The following C12orf42 variants were observed in gnomAD, a reference collection of about 807,000 sequenced individuals.
The protein encoded by C12orf42 is chromosome 12 open reading frame 42.
Under a neutral mutation model 21.6 loss-of-function variants are expected in C12orf42, and 25 were observed. That is an observed-to-expected ratio of 1.16 (90% CI 0.84 to 1.62). C12orf42 has a LOEUF of 1.62. Among genes scored for constraint, C12orf42 ranks in the 40% most tolerant of loss-of-function variants. The pLI is 0.00. For synonymous variants in C12orf42, 174 were observed against 175.0 expected (o/e 0.99, Z 0.05); for missense variants, 483 against 459.3 (o/e 1.05, Z -0.47).
intron 4 of C12orf42, among the ~76,000 whole-genome samples, chr12:103,338,678 A>T (rs7305198): frequency 0.14 from 21,766 of 152,042 alleles, 1,934 homozygotes; most frequent in South Asian, 0.28. Context: ...GCATAGATTT[A>T]TTCTATTGCC....
At chr12:103,486,029 G>T (rs1036851614) in intron 1 of C12orf42, among the ~76,000 whole-genome samples, 1 of 152,198 alleles carries the variant, frequency 6.6e-6, no homozygotes, top group African/African-American at 2.4e-5. Context: ...AGTGGTGACA[G>T]AGAACATCCT....
the C12orf42 span, among the ~76,000 whole-genome samples, chr12:103,508,504 G>C: frequency 6.6e-6 from 1 of 152,126 alleles, no homozygotes; most frequent in Admixed American, 6.5e-5. Context: ...CCAATAACTA[G>C]AAATGCAATT....
intron 10 of C12orf42, among the ~76,000 whole-genome samples, chr12:103,242,235 TCCAC>T (rs1171667058): frequency 1.3e-5 from 2 of 152,198 alleles, no homozygotes; most frequent in Non-Finnish European, 2.9e-5. Flanking sequence ...AGCTCTGAGA[TCCAC>T]CTGTTGTAAG....
At chr12:103,174,637 C>G in the C12orf42 span, among the ~76,000 whole-genome samples, 1 of 151,302 alleles carries the variant, frequency 6.6e-6, no homozygotes, top group Non-Finnish European at 1.5e-5. Context: ...TAGTTAACAG[C>G]AATCTTCAAA....
At chr12:103,358,787 TG>T (rs1025611336) in intron 4 of C12orf42, among the ~76,000 whole-genome samples, 5 of 152,098 alleles carry the variant, frequency 3.3e-5, no homozygotes, top group African/African-American at 1.2e-4. Flanking sequence ...ATCTCTCACT[TG>T]GACTTTTACT....
At chr12:103,217,343 C>G in the C12orf42 span, among the ~76,000 whole-genome samples, 1 of 151,840 alleles carries the variant, frequency 6.6e-6, no homozygotes, top group African/African-American at 2.4e-5. Flanking sequence ...ATAGCAAGAC[C>G]CTGTCTTTAC....
the C12orf42 span, among the ~76,000 whole-genome samples, chr12:103,218,452 C>A: frequency 6.6e-6 from 1 of 152,200 alleles, no homozygotes; most frequent in African/African-American, 2.4e-5. Context: ...TCCCTGTACA[C>A]TCTTTGACCT....
chr12:103,491,398 T>C (rs1452351054), intron 1 of C12orf42, among the ~76,000 whole-genome samples: 1 of 152,226 alleles, frequency 6.6e-6, no homozygotes, highest in Non-Finnish European at 1.5e-5. Flanking sequence ...CTTGGAATTG[T>C]AGATGTAGTA....
chr12:103,057,782 C>T, the C12orf42 span, among the ~76,000 whole-genome samples: 23 of 152,154 alleles, frequency 1.5e-4, no homozygotes, highest in African/African-American at 4.8e-4. Flanking sequence ...ACCACACCAT[C>T]TTCTACAATG....
the C12orf42 span, among the ~76,000 whole-genome samples, chr12:103,084,063 C>T: frequency 6.6e-6 from 1 of 152,164 alleles, no homozygotes; most frequent in Non-Finnish European, 1.5e-5. Context: ...TTAAGATGCA[C>T]TTCCTTAACA....
chr12:103,544,693 GT>G, the C12orf42 span, among the ~76,000 whole-genome samples: 1 of 151,952 alleles, frequency 6.6e-6, no homozygotes, highest in African/African-American at 2.4e-5. Flanking sequence ...TATTTTTATT[GT>G]TTTGTCTCTT....
At chr12:103,424,774 TTTTTG>T (rs1235591204) in intron 2 of C12orf42, among the ~76,000 whole-genome samples, 2 of 150,700 alleles carry the variant, frequency 1.3e-5, no homozygotes, top group South Asian at 2.1e-4. Flanking sequence ...GCTGCAGGAG[TTTTTG>T]TTTTGTTTTG....
chr12:103,097,152 AC>A, the C12orf42 span, among the ~76,000 whole-genome samples: 1 of 152,246 alleles, frequency 6.6e-6, no homozygotes, highest in East Asian at 1.9e-4. Flanking sequence ...ATTGAAAATA[AC>A]TAACCTAACT....
At chr12:103,491,066 T>C (rs1235013840) in intron 1 of C12orf42, among the ~76,000 whole-genome samples, 1 of 152,186 alleles carries the variant, frequency 6.6e-6, no homozygotes, top group Non-Finnish European at 1.5e-5. Flanking sequence ...TTCACCAGTG[T>C]TTATGTATTA....
At chr12:103,495,423 C>T (rs1593034908) in intron 1 of C12orf42, among the ~76,000 whole-genome samples, 1 of 150,876 alleles carries the variant, frequency 6.6e-6, no homozygotes, top group South Asian at 2.1e-4. Context: ...CTCCCCCGCT[C>T]CCTCCCCCAC....
chr12:103,478,302 T>G (rs1954211106), intron 2 of C12orf42, 47 bp downstream of exon 2: 5 of 1,270,582 alleles, frequency 3.9e-6, no homozygotes, highest in Non-Finnish European at 5.6e-6. Flanking sequence ...GGAGCAAACC[T>G]ATTAACCTAA....
intron 3 of C12orf42, among the ~76,000 whole-genome samples, chr12:103,374,993 G>C (rs1212802821): frequency 6.6e-6 from 1 of 152,166 alleles, no homozygotes. Context: ...GATGATATTT[G>C]CTACAACTTA....
chr12:103,272,199 ACT>A (rs2035513354), intron 5 of C12orf42, among the ~76,000 whole-genome samples: 1 of 152,018 alleles, frequency 6.6e-6, no homozygotes, highest in Non-Finnish European at 1.5e-5. Context: ...AGAGGAACAC[ACT>A]CTCCTGGGGC....
chr12:103,424,557 G>A (rs572670223), intron 2 of C12orf42, among the ~76,000 whole-genome samples: 174 of 152,286 alleles, frequency 1.1e-3, no homozygotes, highest in African/African-American at 3.9e-3. Flanking sequence ...CACCTCACCC[G>A]GGAAGTGCAA....
Sources: gnomAD v4.1 joint callset for allele counts (sites outside exome capture counted in the v4.1 genomes callset) on GRCh38, gnomAD v4.1.1 for gene constraint, MANE v1.5 for transcripts, NCBI Gene and HGNC (gene_info 2026-07-23, HGNC 2026-07-21) for gene names.